The following GPC6 variants were observed in gnomAD, a reference collection of about 807,000 sequenced individuals.
GPC6 encodes the protein glypican-6.
GPC6 carries 14 observed loss-of-function variants against 55.2 expected under a neutral mutation model. The observed-to-expected ratio is 0.25, with a 90% CI of 0.17 to 0.40. The LOEUF (loss-of-function observed/expected upper bound fraction) is 0.40, where lower values mean the gene tolerates loss of function less well. Among genes scored for constraint, GPC6 ranks in the 10% least tolerant of loss-of-function variants. GPC6 has a pLI of 1.00. For missense variants in GPC6, 641 were observed against 708.5 expected (o/e 0.90, Z 1.08); for synonymous variants, 278 against 259.6 (o/e 1.07, Z -0.68).
intron 2 of GPC6, among the ~76,000 whole-genome samples, chr13:93,667,630 G>C (rs1472420979): frequency 6.6e-6 from 1 of 151,466 alleles, no homozygotes; most frequent in African/African-American, 2.4e-5. Flanking sequence ...ACAGGATTTC[G>C]CCACGTTAGC....
chr13:93,734,455 A>G (rs1440272060), intron 2 of GPC6, among the ~76,000 whole-genome samples: 1 of 152,132 alleles, frequency 6.6e-6, no homozygotes, highest in Admixed American at 6.5e-5. Context: ...GCATTGAACA[A>G]TTAGGCATAC....
rs554610098 is a variant in GPC6, at chr13:94,272,561, C to T, written c.878-13788C>T. Among the ~76,000 whole-genome samples the T allele has an allele frequency of 2.5e-4, 37 of 149,610 alleles. No homozygotes were observed. The South Asian group carries it at 3.8e-3, about 15-fold the overall frequency. ...TCAGCTCACTGCAAGCTCCGCCTCC[C>T]AGGTTCATGCCATTCTCTTGCCTCA... is the stretch of plus-strand genomic sequence containing the variant. On this transcript the variant is annotated intron_variant, in intron 4 of 8. Coordinates refer to ENST00000377047, the MANE Select transcript of GPC6 (RefSeq NM_005708.5).
intron 1 of GPC6, among the ~76,000 whole-genome samples, chr13:93,265,654 A>G (rs2139046113): frequency 6.6e-6 from 1 of 152,326 alleles, no homozygotes; most frequent in Admixed American, 6.5e-5. Context: ...CAAGCATTTC[A>G]GATAAGGGTA....
intron 3 of GPC6, among the ~76,000 whole-genome samples, chr13:93,981,611 C>A (rs1380497803): frequency 6.6e-6 from 1 of 152,274 alleles, no homozygotes; most frequent in East Asian, 1.9e-4. Flanking sequence ...CTGCTCATTA[C>A]TATATCCTGG....
upstream of GPC6, among the ~76,000 whole-genome samples, chr13:93,225,561 A>G (rs1419110833): frequency 1.5e-4 from 23 of 152,174 alleles, no homozygotes; most frequent in African/African-American, 4.3e-4. Flanking sequence ...TGAAGAAGAC[A>G]AAGTGGCTCT....
At chr13:93,447,491 C>G (rs547806404) in intron 1 of GPC6, among the ~76,000 whole-genome samples, 4 of 152,210 alleles carry the variant, frequency 2.6e-5, no homozygotes, top group African/African-American at 9.6e-5. Context: ...TCCATCTCAC[C>G]AAAGTTACGT....
In GPC6 at chr13:93,371,885, T is replaced by C. The variant is rs1874670773; in HGVS notation, c.160+144269T>C. Among the ~76,000 whole-genome samples the C allele has an allele frequency of 2.0e-5, 3 of 152,264 alleles. No individual in the cohort carries two copies. In the South Asian group the frequency reaches 6.2e-4, roughly 32 times the overall value. ...AATGTCATAGAATTCATTGTTAGCC[T>C]TATCCATATTAAACCAGAGCCCACC... is the stretch of plus-strand genomic sequence containing the variant. On this transcript the variant is annotated intron_variant, in intron 1 of 8. Transcript: ENST00000377047.
chr13:93,369,871 G>A (rs1881389688), intron 1 of GPC6, among the ~76,000 whole-genome samples: 1 of 152,118 alleles, frequency 6.6e-6, no homozygotes, highest in South Asian at 2.1e-4. Context: ...TCAAGACAGT[G>A]TATTTCAAAT....
intron 4 of GPC6, among the ~76,000 whole-genome samples, chr13:94,276,385 G>T (rs747932971): frequency 2.6e-5 from 4 of 152,146 alleles, no homozygotes; most frequent in Admixed American, 6.5e-5. Context: ...GCTGAAAGGG[G>T]AGAATCCTTG....
intron 2 of GPC6, among the ~76,000 whole-genome samples, chr13:93,797,156 A>G (rs1886223055): frequency 6.6e-6 from 1 of 151,978 alleles, no homozygotes; most frequent in Non-Finnish European, 1.5e-5. Flanking sequence ...GTCATTTAAT[A>G]GAGAGGTAGA....
intron 2 of GPC6, among the ~76,000 whole-genome samples, chr13:93,746,677 A>G (rs1884410659): frequency 6.6e-6 from 1 of 152,340 alleles, no homozygotes; most frequent in South Asian, 2.1e-4. Context: ...GACAATGCCC[A>G]AAGGTGTCTA....
chr13:93,314,261 G>C (rs927445627), intron 1 of GPC6, among the ~76,000 whole-genome samples: 11 of 151,756 alleles, frequency 7.2e-5, no homozygotes, highest in African/African-American at 2.4e-4. Flanking sequence ...ATATATACTT[G>C]ACACATGCTT....
chr13:93,242,744 C>G (rs1487920720), intron 1 of GPC6, among the ~76,000 whole-genome samples: 1 of 152,160 alleles, frequency 6.6e-6, no homozygotes, highest in Non-Finnish European at 1.5e-5. Flanking sequence ...AGCCTGCACT[C>G]TGTTTCTTTT....
chr13:93,941,737 G>A (rs892798578), intron 3 of GPC6, among the ~76,000 whole-genome samples: 4 of 152,052 alleles, frequency 2.6e-5, no homozygotes, highest in Non-Finnish European at 5.9e-5. Flanking sequence ...ACAAGAAATA[G>A]TATATCTATC....
chr13:93,629,049 C>CCAA (rs748283630), intron 2 of GPC6, among the ~76,000 whole-genome samples: 1 of 145,672 alleles, frequency 6.9e-6, no homozygotes, highest in Non-Finnish European at 1.5e-5. Flanking sequence ...AAAAAAAAAA[C>CCAA]AAAAAAAACT....
intron 1 of GPC6, among the ~76,000 whole-genome samples, chr13:93,411,397 C>T (rs1402440196): frequency 6.6e-6 from 1 of 152,184 alleles, no homozygotes; most frequent in Non-Finnish European, 1.5e-5. Context: ...TACTTTGTGT[C>T]AGTCTGATTA....
chr13:93,439,123 T>C (rs1322681775), intron 1 of GPC6, among the ~76,000 whole-genome samples: 3 of 152,184 alleles, frequency 2.0e-5, no homozygotes, highest in Non-Finnish European at 2.9e-5. Context: ...CTACAGAATA[T>C]TATAAACATA....
chr13:93,289,131 G>A (rs1200911492), intron 1 of GPC6, among the ~76,000 whole-genome samples: 3 of 152,066 alleles, frequency 2.0e-5, no homozygotes, highest in African/African-American at 7.2e-5. Context: ...GGATTTTATC[G>A]GTACCACATT....
chr13:93,407,689 G>A (rs1410781400), intron 1 of GPC6, among the ~76,000 whole-genome samples: 1 of 152,142 alleles, frequency 6.6e-6, no homozygotes, highest in Non-Finnish European at 1.5e-5. Context: ...TGGCATTATG[G>A]TTCACAGAGT....
Sources: allele counts gnomAD v4.1 joint callset (sites outside exome capture counted in the v4.1 genomes callset), GRCh38; gene constraint gnomAD v4.1.1; transcripts MANE v1.5; gene names NCBI Gene and HGNC (gene_info 2026-07-23, HGNC 2026-07-21).